Variants in DNAH11 observed in about 807,000 individuals in gnomAD.
DNAH11 encodes the protein dynein axonemal heavy chain 11.
In DNAH11, 442 loss-of-function variants were observed where a neutral mutation model predicts 526.0. The observed-to-expected ratio is 0.84, with a 90% CI of 0.78 to 0.91. The LOEUF is 0.91. DNAH11 is among the 40% of genes least tolerant of loss of function. The probability of loss-of-function intolerance (pLI) is 0.00; values close to 1 mark genes in which losing one functional copy is unlikely to be tolerated. For missense variants in DNAH11, 6,989 were observed against 5,448.7 expected (o/e 1.28, Z -8.90); for synonymous variants, 2,461 against 1,935.9 (o/e 1.27, Z -7.12).
chr7:21,769,924 T>C lies in DNAH11; in HGVS notation c.9103-3842T>C, dbSNP rs115816627. ...TTGTTGGCTTCTGCTGGACTTTGTCTTGCCTCTGACCAGTAGTTGAGCTCC... is the reference window on the plus strand; with the variant it reads ...TTGTTGGCTTCTGCTGGACTTTGTCCTGCCTCTGACCAGTAGTTGAGCTCC... On this transcript the variant is annotated intron_variant, in intron 55 of 81. Coordinates refer to ENST00000409508, the MANE Select transcript of DNAH11 (RefSeq NM_001277115.2). Among the ~76,000 whole-genome samples, 690 of 152,298 alleles carry C rather than the reference T, an allele frequency of 4.5e-3. 4 individuals are homozygous for C. The highest frequency in any genetic ancestry group is 0.016 in the African/African-American group (662 of 41,562).
intron 27 of DNAH11, among the ~76,000 whole-genome samples, chr7:21,637,979 TG>T (rs1293549975): frequency 1.3e-5 from 2 of 152,018 alleles, no homozygotes; most frequent in Non-Finnish European, 2.9e-5. Flanking sequence ...CATGATTGAT[TG>T]ATCAATTATT....
intron 1 of DNAH11, 101 bp downstream of exon 1, chr7:21,543,697 G>A: frequency 7.4e-7 from 1 of 1,349,748 alleles, no homozygotes; most frequent in South Asian, 1.4e-5. Flanking sequence ...GCTCACTCGG[G>A]CACTTTAACA....
chr7:21,886,843 A>C lies in DNAH11; in HGVS notation c.12507+2433A>C, dbSNP rs546541540. The stretch of plus-strand genomic sequence containing the variant: ...TAGAAATTTAGGTACCTGACCTTAC[A>C]TACAGATCTGGCGAGGTTTCCAGGA... On this transcript the variant is annotated intron_variant, in intron 76 of 81. Coordinates refer to ENST00000409508, the MANE Select transcript of DNAH11 (RefSeq NM_001277115.2). 1.8e-4 allele frequency among the ~76,000 whole-genome samples: 27 copies of C among 152,306 alleles called. No homozygotes were observed. The South Asian group carries it at 2.1e-3, about 12-fold the overall frequency.
At chr7:21,637,289 C>G (rs1372912438) in intron 26 of DNAH11, among the ~76,000 whole-genome samples, 2 of 151,846 alleles carry the variant, frequency 1.3e-5, no homozygotes, top group Non-Finnish European at 2.9e-5. Flanking sequence ...TCTTTTTCCT[C>G]TTCCCATTCT....
At chr7:21,578,188 T>C (rs1784173190) in intron 8 of DNAH11, among the ~76,000 whole-genome samples, 1 of 152,108 alleles carries the variant, frequency 6.6e-6, no homozygotes, top group African/African-American at 2.4e-5. Context: ...AAATTCACCC[T>C]CCATGATCCC....
rs915076289 is a variant in DNAH11 at position 21,595,601 on chromosome 7, G to A, written c.2667+4024G>A. Among the ~76,000 whole-genome samples the A allele has an allele frequency of 2.0e-5, 3 of 152,204 alleles. No individual in the cohort carries two copies. In the East Asian group the frequency reaches 5.8e-4, roughly 29 times the overall value. ...AATCTATTCAGATGGGGAAGGGTAT[G>A]AGAGGAAGAGACTTAGCAGGGAAGG... On this transcript the variant is annotated intron_variant, in intron 14 of 81. Coordinates refer to ENST00000409508, the MANE Select transcript of DNAH11 (RefSeq NM_001277115.2).
rs527685941 is a variant in DNAH11, at chr7:21,826,680, A to G, written c.10691+8341A>G. On this transcript the variant is annotated intron_variant, in intron 65 of 81. Transcript: ENST00000409508. ...CCTTGGTATTGTAAAGACAAGAGAT[A>G]GCATTGAAAAGAGAAAGCCAGGAAA... is the stretch of plus-strand genomic sequence containing the variant. Among the ~76,000 whole-genome samples, 13 of 152,252 alleles carry G rather than the reference A, an allele frequency of 8.5e-5. No homozygotes were observed. The South Asian group carries it at 2.3e-3, about 27-fold the overall frequency.
At chr7:21,863,211 A>T (rs1164740587) in intron 69 of DNAH11, among the ~76,000 whole-genome samples, 1 of 152,230 alleles carries the variant, frequency 6.6e-6, no homozygotes, top group Non-Finnish European at 1.5e-5. Flanking sequence ...AATGTTAAGG[A>T]AAGGTCTATG....
chr7:21,635,250 G>A (rs1055458652), intron 25 of DNAH11, among the ~76,000 whole-genome samples: 6 of 152,164 alleles, frequency 3.9e-5, no homozygotes, highest in Non-Finnish European at 8.8e-5. Context: ...TCCGCCTCCC[G>A]GGTTCACACC....
At chr7:21,795,555 G>A (rs1333546589) in intron 61 of DNAH11, among the ~76,000 whole-genome samples, 1 of 152,090 alleles carries the variant, frequency 6.6e-6, no homozygotes, top group Non-Finnish European at 1.5e-5. Context: ...ACACATGAGA[G>A]GAACTCAAAA....
chr7:21,632,502 T>A (rs1395578172), intron 25 of DNAH11, among the ~76,000 whole-genome samples: 1 of 152,282 alleles, frequency 6.6e-6, no homozygotes, highest in East Asian at 1.9e-4. Flanking sequence ...TCTCGAATGC[T>A]TTGTTGCTTA....
chr7:21,543,300 C>G lies in DNAH11; in HGVS notation c.55C>G (p.Leu19Val). Residue 19 changes from leucine to valine, a missense_variant, in exon 1 of 82, where the codon CTT (leucine) becomes GTT (valine). Leu to Val is a conservative substitution (Grantham distance 32). Transcript: ENST00000409508. Reference protein sequence around the residue: ...EARDFREAPTLRLTSGAGLEA... With the variant: ...EARDFREAPTVRLTSGAGLEA... The stretch of plus-strand genomic sequence containing the variant: ...GCGAGACTTCAGAGAAGCCCCGACC[C>G]TTCGCCTAACCTCGGGGGCCGGCCT... The G allele has an allele frequency of 6.5e-7, 1 of 1,548,974 alleles. No homozygotes were observed. Among genetic ancestry groups the G allele is most frequent in the Non-Finnish European group, 8.7e-7 (1 of 1,146,082 alleles).
chr7:21,749,073 G>C (rs1786287162), intron 52 of DNAH11, among the ~76,000 whole-genome samples: 1 of 152,088 alleles, frequency 6.6e-6, no homozygotes. Flanking sequence ...GTTCCTGTAT[G>C]ATAGGTTGGG....
chr7:21,871,896 G>A (rs1302333818), intron 73 of DNAH11, among the ~76,000 whole-genome samples: 1 of 151,804 alleles, frequency 6.6e-6, no homozygotes, highest in Non-Finnish European at 1.5e-5. Flanking sequence ...GCCGAGGAGG[G>A]CAGATCATGA....
At chr7:21,881,393 C>T (rs1388708553) in intron 75 of DNAH11, among the ~76,000 whole-genome samples, 1 of 152,144 alleles carries the variant, frequency 6.6e-6, no homozygotes, top group Non-Finnish European at 1.5e-5. Flanking sequence ...TTGTGACTTT[C>T]TCAGTAATGT....
chr7:21,777,013 G>A lies in DNAH11; in HGVS notation c.9337-1945G>A, dbSNP rs145475866. On this transcript the variant is annotated intron_variant, in intron 56 of 81. Coordinates refer to ENST00000409508, the MANE Select transcript of DNAH11 (RefSeq NM_001277115.2). ...GTAGGTCTGGGTACTCACTAACACA[G>A]TCAAGACACAGAAAACTTCCATCTA... Among the ~76,000 whole-genome samples the A allele has an allele frequency of 4.8e-3, 724 of 151,970 alleles. 8 individuals are homozygous for A. The highest frequency in any genetic ancestry group is 0.017 in the African/African-American group (684 of 41,448).
intron 20 of DNAH11, among the ~76,000 whole-genome samples, chr7:21,609,371 C>T (rs567118678): frequency 2.0e-5 from 3 of 152,158 alleles, no homozygotes; most frequent in Non-Finnish European, 4.4e-5. Flanking sequence ...AGGCACGCAC[C>T]ACCACACCTG....
chr7:21,777,796 C>T (rs1464086743), intron 56 of DNAH11, among the ~76,000 whole-genome samples: 1 of 152,118 alleles, frequency 6.6e-6, no homozygotes, highest in East Asian at 1.9e-4. Context: ...TATAATAGTA[C>T]AAGTAGCAGC....
At chr7:21,842,787 T>C in intron 66 of DNAH11, 39 bp downstream of exon 66, 1 of 1,530,634 alleles carries the variant, frequency 6.5e-7, no homozygotes, top group East Asian at 2.4e-5. Flanking sequence ...TTAGTCGGCA[T>C]TTGCTTTGCA....
Sources: gnomAD v4.1 joint callset for allele counts (sites outside exome capture counted in the v4.1 genomes callset) on GRCh38, gnomAD v4.1.1 for gene constraint, MANE v1.5 for transcripts, NCBI Gene and HGNC (gene_info 2026-07-23, HGNC 2026-07-21) for gene names.